The following CDH11 variants were observed in gnomAD, a reference collection of about 807,000 sequenced individuals.
CDH11 encodes the protein cadherin 11, also known as cadherin-11.
CDH11 carries 11 observed loss-of-function variants against 67.8 expected under a neutral mutation model. The observed-to-expected ratio is 0.16, with a 90% confidence interval of 0.10 to 0.27. The LOEUF is 0.27. Ranked by LOEUF, CDH11 falls within the 10% of genes least tolerant of loss-of-function variation. CDH11 has a pLI of 1.00. For synonymous variants in CDH11, 419 were observed against 400.0 expected, an observed-to-expected ratio of 1.05 and a Z score of -0.57; for missense variants, 847 against 1,031.2, an observed-to-expected ratio of 0.82 and a Z score of 2.45.
chr16:64,993,407 T>G (rs1368893424), intron 4 of CDH11, among the ~76,000 whole-genome samples: 1 of 152,164 alleles, frequency 6.6e-6, no homozygotes, highest in Admixed American at 6.5e-5. Context: ...TCCCAGAGTA[T>G]AATAAATGAT....
In CDH11 at chr16:65,096,431, G is replaced by GTA. The variant is rs2074894813; in HGVS notation, c.-298+25448_-298+25449insTA. Among the ~76,000 whole-genome samples, 16 of 144,552 alleles carry GTA rather than the reference G, an allele frequency of 1.1e-4. 1 individual carries two copies. The South Asian group carries it at 3.4e-3, about 31-fold the overall frequency. The allele number at this position is 144,552 out of a possible 152,430, so 94.8% of individuals were successfully genotyped here. ...GGTGTGTGTGTGTGTGTGTGTGTGT[G>GTA]TGTGTGTGTGTGTATATATATGTTT... On this transcript the variant is annotated intron_variant, in intron 1 of 12. Coordinates refer to ENST00000268603, the MANE Select transcript of CDH11 (RefSeq NM_001797.4).
At chr16:65,006,598 A>G (rs1250384052) in intron 2 of CDH11, among the ~76,000 whole-genome samples, 2 of 152,204 alleles carry the variant, frequency 1.3e-5, no homozygotes. Context: ...AGAGTTGGGA[A>G]CTGGACATGC....
chr16:65,067,208 A>G lies in CDH11; in HGVS notation c.-297-13280T>C, dbSNP rs114061908. ...AAAGAGTCAACAGGAAAAAAAAAAA[A>G]AGAGAAACGACGAATCCAGGAGTTA... On this transcript the variant is annotated intron_variant, in intron 1 of 12. Coordinates refer to ENST00000268603, the MANE Select transcript of CDH11 (RefSeq NM_001797.4). Among the ~76,000 whole-genome samples, 1,007 of 152,276 alleles carry G rather than the reference A, an allele frequency of 6.6e-3. 15 individuals are homozygous for G. The highest frequency in any genetic ancestry group is 0.022 in the African/African-American group (920 of 41,548).
chr16:65,054,959 T>C (rs1268270031), intron 1 of CDH11, among the ~76,000 whole-genome samples: 1 of 152,186 alleles, frequency 6.6e-6, no homozygotes, highest in Non-Finnish European at 1.5e-5. Context: ...AGTGAAGGGA[T>C]GTGGATGGAC....
intron 2 of CDH11, among the ~76,000 whole-genome samples, chr16:65,038,186 T>G (rs1004319522): frequency 1.3e-5 from 2 of 151,980 alleles, no homozygotes; most frequent in African/African-American, 4.8e-5. Flanking sequence ...TGGGGACTGC[T>G]GAGATTGGGG....
At chr16:64,951,478 C>A (rs972158579) in intron 11 of CDH11, among the ~76,000 whole-genome samples, 4 of 151,952 alleles carry the variant, frequency 2.6e-5, no homozygotes, top group Non-Finnish European at 5.9e-5. Context: ...GCTTTCCAGG[C>A]TCACACCCTA....
rs542302964 is a variant in CDH11 at position 64,947,456 on chromosome 16, G to A, written c.*147C>T. 1,136 of 1,456,408 alleles carry A rather than the reference G, an allele frequency of 7.8e-4. 19 individuals carry two copies. The South Asian group carries it at 0.016, about 20-fold the overall frequency. 90.2% of individuals were successfully genotyped at this position (1,456,408 alleles called of 1,614,324 possible). ...CAGTATTTACCACTTTGATGTCCTC[G>A]CAGTTTTATTAAATGTATCCTCTCT... On this transcript the variant is annotated 3_prime_UTR_variant, in exon 13 of 13. Coordinates refer to ENST00000268603, the MANE Select transcript of CDH11 (RefSeq NM_001797.4).
intron 7 of CDH11, chr16:64,983,056 A>T (rs985522777): frequency 6.6e-6 from 1 of 152,116 alleles, no homozygotes; most frequent in African/African-American, 2.4e-5. Flanking sequence ...TTTTGGTTTG[A>T]TTGCATTTAT....
chr16:65,117,305 A>T (rs2075259596), intron 1 of CDH11, among the ~76,000 whole-genome samples: 1 of 152,224 alleles, frequency 6.6e-6, no homozygotes, highest in Admixed American at 6.5e-5. Flanking sequence ...AACACAAATA[A>T]GTAGCCACTT....
rs2071184466 is a variant in CDH11, at chr16:64,945,732, G to A, written c.*1871C>T. 4.8e-6 allele frequency: 5 copies of A among 1,042,812 alleles called. No individual in the cohort carries two copies. Among genetic ancestry groups the A allele is most frequent in the Non-Finnish European group, 5.8e-6 (5 of 865,074 alleles). 64.6% of individuals were successfully genotyped at this position (1,042,812 alleles called of 1,614,324 possible). ...TTTGATTTCAATGCAAAGTAAAATG[G>A]AAGTGAGCACTTCATAAAAAACATT... On this transcript the variant is annotated 3_prime_UTR_variant, in exon 13 of 13. Coordinates refer to ENST00000268603, the MANE Select transcript of CDH11 (RefSeq NM_001797.4).
chr16:64,990,402 C>T (rs527563356), intron 6 of CDH11, among the ~76,000 whole-genome samples: 1 of 152,104 alleles, frequency 6.6e-6, no homozygotes, highest in Non-Finnish European at 1.5e-5. Flanking sequence ...CATTTAGTAG[C>T]CTTCCTTGTT....
chr16:65,008,839 T>C (rs1247039427), intron 2 of CDH11, among the ~76,000 whole-genome samples: 1 of 152,190 alleles, frequency 6.6e-6, no homozygotes, highest in Admixed American at 6.5e-5. Context: ...TGGAACTCAG[T>C]GTATACTAAT....
Position 65,121,979 on chromosome 16 carries a change from C to A in CDH11, c.-397G>T. On this transcript the variant is annotated 5_prime_UTR_variant, in exon 1 of 13. Transcript: ENST00000268603. The surrounding 1 kb of genome is among the most constrained non-coding windows in gnomAD (Gnocchi z 4.1). ...CCGGCCCCAGTCCCGGTCCCATTCA[C>A]AAGTCAGCGGCGGCTGCGAGCGGCC... 1 of 701,412 alleles carries A rather than the reference C, an allele frequency of 1.4e-6. No homozygotes were observed. The highest frequency in any genetic ancestry group is 2.6e-6 in the Non-Finnish European group (1 of 384,338). 43.4% of individuals were successfully genotyped at this position (701,412 alleles called of 1,614,324 possible).
chr16:65,076,569 T>G (rs1003561525), intron 1 of CDH11, among the ~76,000 whole-genome samples: 12 of 152,086 alleles, frequency 7.9e-5, no homozygotes, highest in Non-Finnish European at 1.3e-4. Context: ...GGGATACACG[T>G]GCAGAACATG....
intron 2 of CDH11, among the ~76,000 whole-genome samples, chr16:65,032,324 CAAA>C (rs35617108): frequency 1.6e-4 from 18 of 109,356 alleles, no homozygotes; most frequent in African/African-American, 4.5e-4. Flanking sequence ...CTGTCTCTCC[CAAA>C]AAAAAAAAAA....
At chr16:65,074,803 A>G (rs2074481374) in intron 1 of CDH11, among the ~76,000 whole-genome samples, 1 of 152,190 alleles carries the variant, frequency 6.6e-6, no homozygotes, top group Non-Finnish European at 1.5e-5. Context: ...TCAAAATAGT[A>G]TTTTCCTCTT....
At chr16:65,114,624 C>T (rs981493251) in intron 1 of CDH11, among the ~76,000 whole-genome samples, 1 of 152,150 alleles carries the variant, frequency 6.6e-6, no homozygotes, top group Non-Finnish European at 1.5e-5. Flanking sequence ...CAAACACAGA[C>T]AGATATTCCC....
intron 11 of CDH11, among the ~76,000 whole-genome samples, chr16:64,954,495 AGT>A (rs999664701): frequency 3.9e-5 from 6 of 152,190 alleles, no homozygotes; most frequent in African/African-American, 1.4e-4. Flanking sequence ...GATAGAAATC[AGT>A]GTTTATCCTC....
chr16:65,010,311 C>T (rs562456013), intron 2 of CDH11, among the ~76,000 whole-genome samples: 9 of 152,228 alleles, frequency 5.9e-5, no homozygotes, highest in South Asian at 4.1e-4. Context: ...TTCTATTATG[C>T]AAATTAATTC....
Sources: gnomAD v4.1 joint callset for allele counts (sites outside exome capture counted in the v4.1 genomes callset) on GRCh38, gnomAD v4.1.1 for gene constraint, Gnocchi (gnomAD v3.1) non-coding constraint, MANE v1.5 for transcripts, NCBI Gene and HGNC (gene_info 2026-07-23, HGNC 2026-07-21) for gene names.